UGT3A1: variants seen among roughly 807,000 people sequenced by gnomAD.
UGT3A1 encodes UDP glycosyltransferase family 3 member A1, also known as UDP-glycosyltransferase 3A1.
Under a neutral mutation model 37.6 loss-of-function variants are expected in UGT3A1, and 40 were observed. The observed-to-expected ratio is 1.06, with a 90% CI of 0.83 to 1.38. The LOEUF (loss-of-function observed/expected upper bound fraction) is 1.38, where lower values mean the gene tolerates loss of function less well. Ranked by LOEUF, UGT3A1 falls within the 40% of genes most tolerant of loss-of-function variation. The pLI, the probability that UGT3A1 is intolerant of heterozygous loss-of-function variation, is 0.00. For missense variants in UGT3A1, 642 were observed against 634.2 expected (o/e 1.01, Z -0.13); for synonymous variants, 256 against 232.3 (o/e 1.10, Z -0.93).
chr5:35,985,173 T>C (rs546472209), intron 2 of UGT3A1, among the ~76,000 whole-genome samples: 148 of 149,606 alleles, frequency 9.9e-4, no homozygotes, highest in Non-Finnish European at 1.7e-3. Flanking sequence ...AAGATATATA[T>C]GGAAAACTAT....
chr5:35,991,436 A>T, upstream of UGT3A1: 2 of 1,433,460 alleles, frequency 1.4e-6, no homozygotes, highest in African/African-American at 1.4e-5. Flanking sequence ...TGCATGCTCC[A>T]TGGGATAATC....
intron 4 of UGT3A1, among the ~76,000 whole-genome samples, chr5:35,964,436 C>T (rs977962097): frequency 2.6e-5 from 4 of 152,186 alleles, no homozygotes; most frequent in African/African-American, 7.2e-5. Flanking sequence ...CTCCCAGCTC[C>T]ATTCCTAAAT....
chr5:35,955,298 C>T, intron 6 of UGT3A1: 1 of 475,078 alleles, frequency 2.1e-6, no homozygotes, highest in Non-Finnish European at 3.8e-6. Flanking sequence ...GACGAAGAAG[C>T]CAGAGGTGAG....
intron 2 of UGT3A1, among the ~76,000 whole-genome samples, chr5:35,981,044 GTGTT>G (rs2149982773): frequency 6.6e-6 from 1 of 152,296 alleles, no homozygotes; most frequent in South Asian, 2.1e-4. Context: ...ACTGGCCTGA[GTGTT>G]TGGAGTCAGC....
chr5:35,993,203 C>T (rs1035045920), upstream of UGT3A1, among the ~76,000 whole-genome samples: 2 of 152,090 alleles, frequency 1.3e-5, no homozygotes, highest in African/African-American at 2.4e-5. Context: ...CGGTGGCTCA[C>T]GCCTGTAATC....
intron 2 of UGT3A1, among the ~76,000 whole-genome samples, chr5:35,996,896 G>A (rs1741108844): frequency 6.6e-6 from 1 of 152,152 alleles, no homozygotes. Flanking sequence ...CTTGCTAAAG[G>A]ATGTCCCATC....
At chr5:35,972,293 T>C (rs1487686996) in intron 2 of UGT3A1, among the ~76,000 whole-genome samples, 2 of 152,134 alleles carry the variant, frequency 1.3e-5, no homozygotes, top group South Asian at 2.1e-4. Context: ...CCCTCAGTAA[T>C]GTAGCTGGGT....
chr5:35,996,876 A>G (rs1053067257), intron 2 of UGT3A1, among the ~76,000 whole-genome samples: 5 of 152,230 alleles, frequency 3.3e-5, no homozygotes, highest in Non-Finnish European at 7.3e-5. Context: ...TTAACAACAG[A>G]AGCAGAGCAC....
chr5:35,965,744 A>G lies in UGT3A1; in HGVS notation c.485T>C (p.Phe162Ser), dbSNP rs1243928795. 2 of 1,614,220 alleles carry G rather than the reference A, an allele frequency of 1.2e-6. No individual in the cohort carries two copies. Among genetic ancestry groups the G allele is most frequent in the Admixed American group, 1.7e-5 (1 of 60,032 alleles). The part of the protein sequence containing the change: ...FLIAEKLVKP[F>S]VAILPTTFGS... ...GAATGTGGTGGGAAGAATGGCCACA[A>G]ATGGTTTCACAAGCTTCTCAGCAAT... The change falls in exon 4 of 7, where the codon TTT (phenylalanine) becomes TCT (serine). Residue 162 changes from phenylalanine (F) to serine (S), a missense_variant. Physicochemically the swap from Phe to Ser is radical, Grantham distance 155 (BLOSUM62 -2). Transcript: ENST00000274278.
chr5:35,988,625 G>A, intron 1 of UGT3A1, 74 bp from the exon 2 acceptor site: 2 of 1,170,828 alleles, frequency 1.7e-6, no homozygotes, highest in Admixed American at 2.1e-5. Flanking sequence ...GTAGGCAGGA[G>A]GGAATGGAAA....
chr5:35,991,073 G>A (rs1294694866), intron 1 of UGT3A1, 74 bp downstream of exon 1: 2 of 1,613,734 alleles, frequency 1.2e-6, no homozygotes, highest in Middle Eastern at 1.7e-4. Flanking sequence ...CTGATCAATC[G>A]CCGTTCGCTG....
intron 2 of UGT3A1, 144 bp from the exon 3 acceptor site, chr5:35,968,277 T>A (rs1739896171): frequency 1.7e-6 from 1 of 591,378 alleles, no homozygotes; most frequent in Non-Finnish European, 2.9e-6. Flanking sequence ...TTTGTTTTTC[T>A]TTTTCATTCA....
At chr5:35,970,185 T>A (rs1739979209) in intron 2 of UGT3A1, among the ~76,000 whole-genome samples, 1 of 151,950 alleles carries the variant, frequency 6.6e-6, no homozygotes, top group Admixed American at 6.6e-5. Flanking sequence ...GGTCAGGAGA[T>A]CAAGACTATC....
chr5:35,963,008 C>T, intron 4 of UGT3A1: 3 of 697,790 alleles, frequency 4.3e-6, no homozygotes, highest in Non-Finnish European at 5.2e-6. Flanking sequence ...TCAATGAAAA[C>T]TCAGGGTGTG....
intron 4 of UGT3A1, among the ~76,000 whole-genome samples, chr5:35,959,221 C>A (rs1391441842): frequency 1.3e-5 from 2 of 152,098 alleles, no homozygotes; most frequent in African/African-American, 4.8e-5. Context: ...CTCTTCCATG[C>A]CAGACTGCAA....
At chr5:35,987,353 C>T (rs927782068) in intron 2 of UGT3A1, among the ~76,000 whole-genome samples, 4 of 152,098 alleles carry the variant, frequency 2.6e-5, no homozygotes, top group Admixed American at 6.5e-5. Flanking sequence ...AACTCTAGAA[C>T]ACTTGAACCC....
chr5:35,994,064 T>C (rs1196257463), upstream of UGT3A1, among the ~76,000 whole-genome samples: 13 of 152,174 alleles, frequency 8.5e-5, no homozygotes, highest in Admixed American at 8.5e-4. Flanking sequence ...TGTGGGAGTT[T>C]CCACTCATTT....
chr5:35,976,931 G>GGAGAAAGAAAAAGAAA (rs1561466641), intron 2 of UGT3A1, among the ~76,000 whole-genome samples: 1 of 140,390 alleles, frequency 7.1e-6, no homozygotes, highest in African/African-American at 2.6e-5. Flanking sequence ...GAAAAAGAAA[G>GGAGAAAGAAAAAGAAA]AAGAAAGAAA....
intron 2 of UGT3A1, among the ~76,000 whole-genome samples, chr5:35,973,050 G>A (rs933777395): frequency 2.6e-4 from 40 of 152,290 alleles, no homozygotes; most frequent in African/African-American, 8.4e-4. Context: ...TAAAAACTGA[G>A]ATAGGGACAT....
Sources: gnomAD v4.1 joint callset for allele counts (sites outside exome capture counted in the v4.1 genomes callset) on GRCh38, gnomAD v4.1.1 for gene constraint, MANE v1.5 for transcripts, NCBI Gene and HGNC (gene_info 2026-07-23, HGNC 2026-07-21) for gene names.